CAMTA1: variants seen among roughly 807,000 people sequenced by gnomAD.
CAMTA1 encodes the protein calmodulin-binding transcription activator 1.
A neutral mutation model predicts 170.9 loss-of-function variants in CAMTA1; 27 were observed. The observed-to-expected ratio is 0.16, with a 90% CI of 0.12 to 0.22. The LOEUF (loss-of-function observed/expected upper bound fraction) is 0.22, where lower values mean the gene tolerates loss of function less well. CAMTA1 is among the 10% of genes least tolerant of loss of function. The pLI is 1.00. For synonymous variants in CAMTA1, 833 were observed against 891.5 expected, an observed-to-expected ratio of 0.93 and a Z score of 1.17; for missense variants, 1,619 against 2,217.2, an observed-to-expected ratio of 0.73 and a Z score of 5.42.
chr1:6,842,265 C>G (rs1028100094), intron 3 of CAMTA1, among the ~76,000 whole-genome samples: 4 of 152,184 alleles, frequency 2.6e-5, no homozygotes, highest in African/African-American at 9.7e-5. Context: ...AGGTGCTGGT[C>G]TTAAAGGGTG....
chr1:7,750,591 C>T (rs1362600398), intron 19 of CAMTA1, among the ~76,000 whole-genome samples: 1 of 152,240 alleles, frequency 6.6e-6, no homozygotes, highest in African/African-American at 2.4e-5. Context: ...CTGGGTCGTC[C>T]GCAGCTCTGT....
At chr1:7,378,954 A>T (rs845210) in intron 5 of CAMTA1, among the ~76,000 whole-genome samples, 94,371 of 151,820 alleles carry the variant, frequency 0.62, 30,996 homozygotes, top group Middle Eastern at 0.73. Flanking sequence ...CCCCATCCCC[A>T]TCCCCACTCT....
At chr1:6,966,503 G>A (rs1458948159) in intron 3 of CAMTA1, among the ~76,000 whole-genome samples, 2 of 152,030 alleles carry the variant, frequency 1.3e-5, no homozygotes, top group Non-Finnish European at 2.9e-5. Flanking sequence ...TTTATGCTGT[G>A]GCACGTGCCA....
chr1:7,414,103 A>G (rs891792843), intron 5 of CAMTA1, among the ~76,000 whole-genome samples: 1 of 152,240 alleles, frequency 6.6e-6, no homozygotes, highest in African/African-American at 2.4e-5. Flanking sequence ...CCCAGGGATG[A>G]AGCCCACTTG....
At chr1:7,211,290 C>T (rs1658707217) in intron 4 of CAMTA1, among the ~76,000 whole-genome samples, 1 of 152,166 alleles carries the variant, frequency 6.6e-6, no homozygotes, top group African/African-American at 2.4e-5. Context: ...GTAAGTGTAC[C>T]ATCGAACAAG....
intron 3 of CAMTA1, among the ~76,000 whole-genome samples, chr1:6,850,198 CTAATTA>C (rs1659871208): frequency 6.6e-6 from 1 of 152,062 alleles, no homozygotes; most frequent in Admixed American, 6.6e-5. Context: ...CATACCCATT[CTAATTA>C]TAACAGAAAG....
intron 5 of CAMTA1, among the ~76,000 whole-genome samples, chr1:7,418,346 C>T (rs1429507192): frequency 3.3e-5 from 5 of 152,182 alleles, no homozygotes; most frequent in East Asian, 1.9e-4. Context: ...CAGGTGCCCA[C>T]CACCAATGTG....
chr1:7,653,416 C>G (rs2095859997), intron 7 of CAMTA1, among the ~76,000 whole-genome samples: 1 of 152,136 alleles, frequency 6.6e-6, no homozygotes, highest in Admixed American at 6.5e-5. Context: ...GTGCCCACCA[C>G]CACACCAGAC....
chr1:7,704,686 C>T (rs1445707906), intron 11 of CAMTA1, among the ~76,000 whole-genome samples: 2 of 148,246 alleles, frequency 1.3e-5, no homozygotes, highest in Non-Finnish European at 3.0e-5. Flanking sequence ...CCGCCGCGCC[C>T]CGCCATTGGT....
intron 3 of CAMTA1, among the ~76,000 whole-genome samples, chr1:7,036,789 C>A (rs1703659573): frequency 6.6e-6 from 1 of 152,222 alleles, no homozygotes; most frequent in Non-Finnish European, 1.5e-5. Flanking sequence ...TTTGTTGCCA[C>A]AGCAACAATA....
intron 11 of CAMTA1, among the ~76,000 whole-genome samples, chr1:7,730,928 C>CTATA (rs148508017): frequency 5.3e-5 from 6 of 114,196 alleles, no homozygotes; most frequent in African/African-American, 1.9e-4. Flanking sequence ...CTCTCTCTCT[C>CTATA]TATATATATA....
intron 1 of CAMTA1, among the ~76,000 whole-genome samples, chr1:6,807,282 T>G (rs952734135): frequency 6.6e-6 from 1 of 152,196 alleles, no homozygotes; most frequent in East Asian, 1.9e-4. Context: ...TGGGAAAGAG[T>G]ATCTGAATAC....
intron 11 of CAMTA1, among the ~76,000 whole-genome samples, chr1:7,679,939 G>A (rs2096170541): frequency 6.6e-6 from 1 of 152,254 alleles, no homozygotes; most frequent in Non-Finnish European, 1.5e-5. Context: ...GGAACTGCCA[G>A]ACCCCACCTG....
At chr1:6,786,627 A>T (rs1158886551) in intron 1 of CAMTA1, among the ~76,000 whole-genome samples, 1 of 152,208 alleles carries the variant, frequency 6.6e-6, no homozygotes, top group African/African-American at 2.4e-5. Context: ...CAGATCATGC[A>T]TACTCTTACA....
chr1:7,573,159 G>A (rs576900244), intron 6 of CAMTA1, among the ~76,000 whole-genome samples: 78 of 152,328 alleles, frequency 5.1e-4, no homozygotes, highest in African/African-American at 1.6e-3. Flanking sequence ...GCTAAGGATC[G>A]ATGGAAACTG....
intron 5 of CAMTA1, among the ~76,000 whole-genome samples, chr1:7,450,412 C>A (rs182503326): frequency 2.6e-5 from 4 of 152,326 alleles, no homozygotes; most frequent in African/African-American, 9.6e-5. Context: ...CCATTATGAG[C>A]AGCCACAAGA....
At chr1:7,212,267 C>T (rs561172254) in intron 4 of CAMTA1, among the ~76,000 whole-genome samples, 13 of 152,044 alleles carry the variant, frequency 8.6e-5, no homozygotes, top group African/African-American at 2.9e-4. Flanking sequence ...ATGGTCTCTC[C>T]CCATCCTTGT....
In CAMTA1 at chr1:7,286,208, T is replaced by C. The variant is rs1672326919; in HGVS notation, c.438+36582T>C. ...CCTCACAGGGAGATTGGCATGTGAT[T>C]GGGCCCTGAAGGGTGAGGAGGAGCA... On this transcript the variant is annotated intron_variant, in intron 5 of 22. Coordinates refer to ENST00000303635, the MANE Select transcript of CAMTA1 (RefSeq NM_015215.4). The surrounding 1 kb of genome is among the most constrained non-coding windows in gnomAD (Gnocchi z 4.2). Among the ~76,000 whole-genome samples the C allele has an allele frequency of 1.3e-5, 2 of 152,044 alleles. No homozygotes were observed. The highest frequency in any genetic ancestry group is 1.3e-4 in the Admixed American group (2 of 15,276).
At chr1:7,745,054 A>G in intron 17 of CAMTA1, 32 bp downstream of exon 17, 1 of 1,569,312 alleles carries the variant, frequency 6.4e-7, no homozygotes, top group Non-Finnish European at 8.6e-7. Flanking sequence ...ACTACCCAGC[A>G]TAGATTCCCG....
Sources: allele counts gnomAD v4.1 joint callset (sites outside exome capture counted in the v4.1 genomes callset), GRCh38; gene constraint gnomAD v4.1.1; non-coding constraint Gnocchi (gnomAD v3.1); transcripts MANE v1.5; gene names NCBI Gene and HGNC (gene_info 2026-07-23, HGNC 2026-07-21).